Variants in FSD1 observed in about 807,000 individuals in gnomAD.
The protein encoded by FSD1 is fibronectin type III and SPRY domain containing 1, also known as fibronectin type III and SPRY domain-containing protein 1.
Under a neutral mutation model 58.2 loss-of-function variants are expected in FSD1, and 23 were observed. The observed-to-expected ratio is 0.40, with a 90% CI of 0.28 to 0.56. FSD1 has a LOEUF of 0.56. Ranked by LOEUF, FSD1 falls within the 20% of genes least tolerant of loss-of-function variation. FSD1 has a pLI of 0.54. For synonymous variants in FSD1, 265 were observed against 263.4 expected, an observed-to-expected ratio of 1.01 and a Z score of -0.06; for missense variants, 563 against 670.8, an observed-to-expected ratio of 0.84 and a Z score of 1.78.
At chr19:4,314,573 G>A (rs904435725) in intron 7 of FSD1, among the ~76,000 whole-genome samples, 2 of 149,494 alleles carry the variant, frequency 1.3e-5, no homozygotes, top group Non-Finnish European at 1.5e-5. Flanking sequence ...CGCAACCTCC[G>A]CCTCCTGGGT....
chr19:4,306,241 A>T lies in FSD1; in HGVS notation c.155A>T (p.Gln52Leu). 6.2e-7 allele frequency: 1 copy of T among 1,614,070 alleles called. No individual in the cohort carries two copies. Among genetic ancestry groups the T allele is most frequent in the Non-Finnish European group, 8.5e-7 (1 of 1,179,970 alleles). Residue 52 changes from glutamine to leucine, a missense_variant, in exon 3 of 13, where the codon CAG (glutamine) becomes CTG (leucine). Coordinates refer to ENST00000221856, the MANE Select transcript of FSD1 (RefSeq NM_024333.3). ...CAGGAGGACCTCGAAGCAGAGTTCC[A>T]GTCCCTCTTCTCCCTCCTGGAGGAG... is the stretch of plus-strand genomic sequence containing the variant. ...KVQEDLEAEFQSLFSLLEELK... is the reference protein window; with the variant it reads ...KVQEDLEAEFLSLFSLLEELK...
intron 3 of FSD1, 78 bp downstream of exon 3, chr19:4,306,407 A>G: frequency 6.8e-7 from 1 of 1,475,346 alleles, no homozygotes; most frequent in Non-Finnish European, 9.4e-7. Flanking sequence ...ACCTTCCTCC[A>G]AAAACTGGGT....
At chr19:4,307,454 G>A (rs532677183) in intron 3 of FSD1, among the ~76,000 whole-genome samples, 6 of 152,088 alleles carry the variant, frequency 3.9e-5, no homozygotes, top group South Asian at 2.1e-4. Flanking sequence ...TGCAACCTCC[G>A]CCTCCCGGGT....
chr19:4,321,321 C>A (rs1455498387), intron 10 of FSD1, among the ~76,000 whole-genome samples: 17 of 100,616 alleles, frequency 1.7e-4, no homozygotes, highest in Non-Finnish European at 2.8e-4. Context: ...GTGGAAATAG[C>A]TGGGACTGAG....
chr19:4,306,353 C>T (rs1172403855), intron 3 of FSD1, 24 bp downstream of exon 3: 18 of 1,612,108 alleles, frequency 1.1e-5, no homozygotes, highest in East Asian at 4.5e-5. Context: ...GCATCTTCCT[C>T]TCCCCCCGCC....
chr19:4,318,804 G>C (rs186114545), intron 9 of FSD1, 68 bp from the exon 10 acceptor site: 8 of 1,286,742 alleles, frequency 6.2e-6, no homozygotes, highest in African/African-American at 2.9e-5. Flanking sequence ...GACTAGGGTA[G>C]CCTTACCGTG....
intron 10 of FSD1, 22 bp downstream of exon 10, chr19:4,318,973 G>A: frequency 6.3e-7 from 1 of 1,598,740 alleles, no homozygotes. Flanking sequence ...GAGAAGAAAG[G>A]GGAGAGGGGA....
rs1176650848 is a variant in FSD1, at chr19:4,323,729, A to C, written c.*86A>C. On this transcript the variant is annotated 3_prime_UTR_variant, in exon 13 of 13. Transcript: ENST00000221856. This position sits in a 1 kb window ranked among gnomAD's most constrained non-coding sequence, Gnocchi z 7.7. ...CTGGAGCCAGGCACCCTCCTCTGTC[A>C]CTTGCTGCTTGGAGCCTTAACTCCA... 22 of 921,988 alleles carry C rather than the reference A, an allele frequency of 2.4e-5. No individual in the cohort carries two copies. The allele number at this position is 921,988 out of a possible 1,614,324, so 57.1% of individuals were successfully genotyped here. A position where few individuals can be genotyped will look rare whatever the true frequency, so the allele number is the denominator to read the frequency against.
Position 4,323,038 on chromosome 19 carries a change from G to A in FSD1, c.1092G>A (p.Pro364=), listed in dbSNP as rs761082727. 122 of 1,612,062 alleles carry A rather than the reference G, an allele frequency of 7.6e-5. No individual in the cohort carries two copies. Among genetic ancestry groups the A allele is most frequent in the African/African-American group, 1.3e-4 (10 of 74,948 alleles). The change falls in exon 11 of 13, where the codon CCG becomes CCA. Residue 364 remains proline, a synonymous_variant. Transcript: ENST00000221856. This position sits in a 1 kb window ranked among gnomAD's most constrained non-coding sequence, Gnocchi z 7.7. ...ATTACTGGGAGGTGCGCTACGAGCCGGACAGCAAGGCGTTCGGCGTGGGCG... is the reference window on the plus strand; with the variant it reads ...ATTACTGGGAGGTGCGCTACGAGCCAGACAGCAAGGCGTTCGGCGTGGGCG... ...GEHYWEVRYE[P]DSKAFGVGVA... is the part of the protein sequence containing the mutation.
chr19:4,316,175 C>G (rs893240885), intron 7 of FSD1, among the ~76,000 whole-genome samples: 5 of 152,088 alleles, frequency 3.3e-5, no homozygotes, highest in African/African-American at 1.2e-4. Context: ...CTCCTCCTCC[C>G]TCAGCCTCCT....
chr19:4,318,268 A>G, intron 8 of FSD1, 78 bp from the exon 9 acceptor site: 1 of 1,586,456 alleles, frequency 6.3e-7, no homozygotes, highest in Non-Finnish European at 8.6e-7. Flanking sequence ...TGTCTTGGTC[A>G]CTCTCTGTCT....
intron 7 of FSD1, 91 bp from the exon 8 acceptor site, chr19:4,317,091 G>C: frequency 1.3e-6 from 1 of 780,684 alleles, no homozygotes; most frequent in Non-Finnish European, 2.3e-6. Flanking sequence ...GAATGGCGTT[G>C]GGAATCACTG....
chr19:4,306,031 T>C lies in FSD1; in HGVS notation c.101T>C (p.Leu34Pro), dbSNP rs995934243. The stretch of plus-strand genomic sequence containing the variant: ...ATCTACTCCCTGAAACAGATGCTGC[T>C]GAACGTGGAGGTGAAGGCGGTGGGG... ...SFIYSLKQML[L>P]NVEANSAKVQ... is the part of the protein sequence containing the mutation. The change falls in exon 2 of 13, where the codon CTG becomes CCG. Residue 34 changes from leucine (L) to proline (P), a missense_variant. Coordinates refer to ENST00000221856, the MANE Select transcript of FSD1 (RefSeq NM_024333.3). The C allele has an allele frequency of 3.1e-6, 5 of 1,613,694 alleles. No individual in the cohort carries two copies. The Admixed American group carries it at 6.7e-5, about 22-fold the overall frequency.
chr19:4,305,799 T>TGTGTGTGCATGTGTGTGCGCAC (rs1368757094), intron 1 of FSD1, 147 bp from the exon 2 acceptor site: 2 of 664,482 alleles, frequency 3.0e-6, no homozygotes, highest in Non-Finnish European at 5.4e-6. Flanking sequence ...TGTGTGCGCA[T>TGTGTGTGCATGTGTGTGCGCAC]GTGTGTGCAT....
intron 6 of FSD1, chr19:4,311,044 C>A (rs1971684791): frequency 6.1e-6 from 1 of 162,614 alleles, no homozygotes; most frequent in South Asian, 1.6e-4. Context: ...GAAAGCCCCA[C>A]CCACCAGGGG....
intron 4 of FSD1, among the ~76,000 whole-genome samples, chr19:4,309,802 G>T (rs959919705): frequency 6.6e-6 from 1 of 150,958 alleles, no homozygotes; most frequent in African/African-American, 2.4e-5. Flanking sequence ...CCAGCTACTC[G>T]GGAGGCTGAG....
At chr19:4,319,661 C>T (rs144962436) in intron 10 of FSD1, among the ~76,000 whole-genome samples, 1 of 152,068 alleles carries the variant, frequency 6.6e-6, no homozygotes, top group Non-Finnish European at 1.5e-5. Flanking sequence ...TTCCTGGGTG[C>T]ACCTGGGATT....
At chr19:4,315,998 T>C (rs1971751513) in intron 7 of FSD1, among the ~76,000 whole-genome samples, 1 of 151,598 alleles carries the variant, frequency 6.6e-6, no homozygotes, top group Non-Finnish European at 1.5e-5. Flanking sequence ...ACTCCTGACC[T>C]TATGGGTTCC....
rs1033248514 is a variant in FSD1 at position 4,310,419 on chromosome 19, G to A, written c.369-56G>A. 40 of 1,604,178 alleles carry A rather than the reference G, an allele frequency of 2.5e-5. 1 individual carries two copies. The highest frequency in any genetic ancestry group is 6.6e-5 in the South Asian group (6 of 90,698). ...GAGCCCTGGGGAGGGGCCCCCTCGC[G>A]CCACGGATGACCAGGCCTGGTCCCC... is the stretch of plus-strand genomic sequence containing the variant. On this transcript the variant is annotated intron_variant, in intron 5 of 12. Coordinates refer to ENST00000221856, the MANE Select transcript of FSD1 (RefSeq NM_024333.3).
Sources: allele counts gnomAD v4.1 joint callset (sites outside exome capture counted in the v4.1 genomes callset), GRCh38; gene constraint gnomAD v4.1.1; non-coding constraint Gnocchi (gnomAD v3.1); transcripts MANE v1.5; gene names NCBI Gene and HGNC (gene_info 2026-07-23, HGNC 2026-07-21).